The following RALGAPA2 variants were observed in gnomAD, a reference collection of about 807,000 sequenced individuals.
RALGAPA2 encodes ral GTPase-activating protein subunit alpha-2.
Under a neutral mutation model 230.4 loss-of-function variants are expected in RALGAPA2, and 139 were observed. The observed-to-expected ratio is 0.60, with a 90% CI of 0.53 to 0.69. The LOEUF is 0.69. RALGAPA2 is among the 30% of genes least tolerant of loss of function. The pLI is 0.00. For synonymous variants in RALGAPA2, 847 were observed against 837.8 expected, an observed-to-expected ratio of 1.01 and a Z score of -0.19; for missense variants, 2,163 against 2,276.0, an observed-to-expected ratio of 0.95 and a Z score of 1.01.
At position 20,393,224 on chromosome 20, in the gene RALGAPA2, G is replaced by C; in HGVS notation, c.*65C>G. On this transcript the variant is annotated 3_prime_UTR_variant, in exon 40 of 40. Transcript: ENST00000202677. ...TCCTCCTCACTCAGGGGCTCTTCGA[G>C]GTCAGCACTCAGACTGGAGGCCAGG... 7.4e-7 allele frequency: 1 copy of C among 1,355,014 alleles called. No homozygotes were observed. The highest frequency in any genetic ancestry group is 9.8e-7 in the Non-Finnish European group (1 of 1,016,470). 83.9% of individuals were successfully genotyped at this position (1,355,014 alleles called of 1,614,324 possible).
At chr20:20,694,137 T>C (rs1252288991) in intron 1 of RALGAPA2, among the ~76,000 whole-genome samples, 1 of 150,018 alleles carries the variant, frequency 6.7e-6, no homozygotes. Flanking sequence ...AAAGATACCG[T>C]AACTTTAAAA....
chr20:20,396,480 C>T (rs1232836659), intron 39 of RALGAPA2, among the ~76,000 whole-genome samples: 1 of 152,234 alleles, frequency 6.6e-6, no homozygotes, highest in Admixed American at 6.5e-5. Context: ...GATTCCTCCC[C>T]GAGTGCACGG....
At chr20:20,434,450 T>C (rs1460594546) in intron 37 of RALGAPA2, among the ~76,000 whole-genome samples, 2 of 152,144 alleles carry the variant, frequency 1.3e-5, no homozygotes, top group Non-Finnish European at 2.9e-5. Flanking sequence ...GGGGACTGTT[T>C]CAGCCACAAC....
intron 23 of RALGAPA2, among the ~76,000 whole-genome samples, chr20:20,548,380 A>T (rs1358023613): frequency 1.3e-5 from 2 of 151,958 alleles, no homozygotes; most frequent in East Asian, 3.9e-4. Context: ...TTTTCTTTAC[A>T]TGGGTCTTAG....
intron 1 of RALGAPA2, among the ~76,000 whole-genome samples, chr20:20,702,350 A>G (rs964575056): frequency 1.2e-4 from 19 of 152,172 alleles, no homozygotes; most frequent in Non-Finnish European, 2.8e-4. Flanking sequence ...ATGCCCATGA[A>G]GGATAAATGA....
At chr20:20,401,817 T>A (rs555818848) in intron 38 of RALGAPA2, among the ~76,000 whole-genome samples, 2 of 152,244 alleles carry the variant, frequency 1.3e-5, no homozygotes, top group Non-Finnish European at 2.9e-5. Flanking sequence ...AGATACTTCC[T>A]ATATGTGAAT....
chr20:20,689,199 TTC>T (rs2068810832), intron 1 of RALGAPA2, among the ~76,000 whole-genome samples: 3 of 152,252 alleles, frequency 2.0e-5, no homozygotes, highest in Admixed American at 1.3e-4. Flanking sequence ...TTTAATTATA[TTC>T]TTTTACCTTT....
rs1309976563 is a variant in RALGAPA2, at chr20:20,712,295, G to A, written c.106+80C>T. The stretch of plus-strand genomic sequence containing the variant: ...CCCCCTCCCCAGCCTCCCAGCCACC[G>A]ACCCCTGCACAGAGGAGCGCCCTCC... On this transcript the variant is annotated intron_variant, in intron 1 of 39. Coordinates refer to ENST00000202677, the MANE Select transcript of RALGAPA2 (RefSeq NM_020343.4). This position sits in a 1 kb window ranked among gnomAD's most constrained non-coding sequence, Gnocchi z 5.5. The A allele has an allele frequency of 6.3e-6, 3 of 472,944 alleles. No individual in the cohort carries two copies. Among genetic ancestry groups the A allele is most frequent in the Admixed American group, 3.6e-5 (1 of 27,464 alleles). 29.3% of individuals were successfully genotyped at this position (472,944 alleles called of 1,614,324 possible).
At chr20:20,501,377 C>T (rs2062372371) in intron 35 of RALGAPA2, among the ~76,000 whole-genome samples, 1 of 152,238 alleles carries the variant, frequency 6.6e-6, no homozygotes, top group African/African-American at 2.4e-5. Context: ...GCACTTAATG[C>T]TTCGCCTTGT....
At chr20:20,639,742 G>T in intron 7 of RALGAPA2, 43 bp downstream of exon 7, 1 of 1,313,798 alleles carries the variant, frequency 7.6e-7, no homozygotes, top group African/African-American at 1.5e-5. Flanking sequence ...TCTTCCTGCT[G>T]AGAATAAACC....
chr20:20,412,075 C>A lies in RALGAPA2; in HGVS notation c.5569G>T (p.Ala1857Ser), dbSNP rs772808710. Residue 1857 changes from alanine to serine, a missense_variant, in exon 38 of 40, where the codon GCA becomes TCA. Transcript: ENST00000202677. The stretch of plus-strand genomic sequence containing the variant: ...GGAGAGGGAGAAAAGACTTGGGCTG[C>A]GAAATCCTCGAATGTCATTACTTCG... The part of the protein sequence containing the change: ...HREVMTFEDF[A>S]AQVFSPSPSY... The A allele has an allele frequency of 6.2e-7, 1 of 1,613,854 alleles. No individual in the cohort carries two copies. The highest frequency in any genetic ancestry group is 8.5e-7 in the Non-Finnish European group (1 of 1,179,836).
chr20:20,571,244 A>AAAAAC (rs2064623111), intron 23 of RALGAPA2, among the ~76,000 whole-genome samples: 1 of 152,212 alleles, frequency 6.6e-6, no homozygotes, highest in South Asian at 2.1e-4. Context: ...TGGTTGGCAC[A>AAAAAC]ATGCAAATGC....
intron 21 of RALGAPA2, among the ~76,000 whole-genome samples, 168 bp downstream of exon 21, chr20:20,572,707 A>C (rs1028249003): frequency 6.6e-6 from 1 of 152,210 alleles, no homozygotes; most frequent in Non-Finnish European, 1.5e-5. Flanking sequence ...TGCATTTATA[A>C]AATAGTCATG....
chr20:20,489,538 T>A, intron 36 of RALGAPA2, among the ~76,000 whole-genome samples: 1 of 149,236 alleles, frequency 6.7e-6, no homozygotes, highest in South Asian at 2.1e-4. Flanking sequence ...CAGTAATCAG[T>A]GAGGTGGAGT....
chr20:20,643,179 A>C (rs2067099882), intron 5 of RALGAPA2, among the ~76,000 whole-genome samples: 1 of 152,172 alleles, frequency 6.6e-6, no homozygotes, highest in Admixed American at 6.5e-5. Context: ...TTAGAGGGCG[A>C]CTGCACTTCC....
rs575602399 is a variant in RALGAPA2, at chr20:20,429,076, C to G, written c.5496-16928G>C. Among the ~76,000 whole-genome samples the G allele has an allele frequency of 8.5e-5, 13 of 152,240 alleles. No individual in the cohort carries two copies. In the East Asian group the frequency reaches 2.5e-3, roughly 29 times the overall value. ...AGCTACCCAATGTTGGTGCAGTTGG[C>G]TGCCACTCATGAAGCTCTTTGTAGC... is the stretch of plus-strand genomic sequence containing the variant. On this transcript the variant is annotated intron_variant, in intron 37 of 39. Coordinates refer to ENST00000202677, the MANE Select transcript of RALGAPA2 (RefSeq NM_020343.4).
At chr20:20,584,760 GAA>G in intron 19 of RALGAPA2, 103 bp downstream of exon 19, 1 of 914,800 alleles carries the variant, frequency 1.1e-6, no homozygotes, top group Non-Finnish European at 1.6e-6. Flanking sequence ...CAGCCTGGGC[GAA>G]AGAGTGAGAC....
chr20:20,694,745 T>C (rs2069044909), intron 1 of RALGAPA2, among the ~76,000 whole-genome samples: 1 of 152,158 alleles, frequency 6.6e-6, no homozygotes, highest in African/African-American at 2.4e-5. Context: ...TGACTATTCA[T>C]GTAAAACCGT....
Position 20,536,758 on chromosome 20 carries a change from G to A in RALGAPA2, c.3312C>T (p.Val1104=), listed in dbSNP as rs1200599803. The change falls in exon 25 of 40, where the codon GTC becomes GTT. Residue 1104 remains valine, a synonymous_variant. Coordinates refer to ENST00000202677, the MANE Select transcript of RALGAPA2 (RefSeq NM_020343.4). The part of the protein sequence containing the change: ...LTAPRSEAVT[V]LGSLVCFPNT... ...TTGGAAAGCAGACCAGAGAGCCGAG[G>A]ACAGTGACAGCCTCTGAACGAGGCG... is the stretch of plus-strand genomic sequence containing the variant. 6.2e-7 allele frequency: 1 copy of A among 1,612,662 alleles called. No homozygotes were observed. Among genetic ancestry groups the A allele is most frequent in the East Asian group, 2.2e-5 (1 of 44,830 alleles).
Sources: allele counts gnomAD v4.1 joint callset (sites outside exome capture counted in the v4.1 genomes callset), GRCh38; gene constraint gnomAD v4.1.1; non-coding constraint Gnocchi (gnomAD v3.1); transcripts MANE v1.5; gene names NCBI Gene and HGNC (gene_info 2026-07-23, HGNC 2026-07-21).